GALNTL6: variants seen among roughly 807,000 people sequenced by gnomAD.
The protein encoded by GALNTL6 is polypeptide N-acetylgalactosaminyltransferase-like 6.
A neutral mutation model predicts 73.7 loss-of-function variants in GALNTL6; 46 were observed. The ratio of observed to expected loss-of-function variants is 0.62; its 90% CI spans 0.49 to 0.80. The LOEUF is 0.80. GALNTL6 is among the 30% of genes least tolerant of loss of function. GALNTL6 has a pLI of 0.00. For missense variants in GALNTL6, 604 were observed against 755.0 expected (o/e 0.80, Z 2.34); for synonymous variants, 259 against 263.7 (o/e 0.98, Z 0.17).
Position 172,265,245 on chromosome 4 carries a change from C to T in GALNTL6, c.247+35481C>T, listed in dbSNP as rs377400053. 5.3e-4 allele frequency among the ~76,000 whole-genome samples: 80 copies of T among 151,968 alleles called. 1 individual carries two copies. Among genetic ancestry groups the T allele is most frequent in the Non-Finnish European group, 1.0e-3 (68 of 67,954 alleles). ...AACAGAGATGAGGGCAAACCAGAGACGTATTACAAAGTAAGGTTACAAAAT... is the reference window on the plus strand; with the variant it reads ...AACAGAGATGAGGGCAAACCAGAGATGTATTACAAAGTAAGGTTACAAAAT... On this transcript the variant is annotated intron_variant, in intron 3 of 12. Coordinates refer to ENST00000506823, the MANE Select transcript of GALNTL6 (RefSeq NM_001034845.3).
chr4:172,385,030 T>C (rs1044109911), intron 5 of GALNTL6, among the ~76,000 whole-genome samples: 2 of 89,300 alleles, frequency 2.2e-5, no homozygotes, highest in Non-Finnish European at 4.3e-5. Flanking sequence ...GTTTTTTTGT[T>C]TTTTTTTTTT....
intron 2 of GALNTL6, among the ~76,000 whole-genome samples, chr4:171,837,060 A>T (rs1735111936): frequency 6.6e-6 from 1 of 152,184 alleles, no homozygotes; most frequent in African/African-American, 2.4e-5. Flanking sequence ...ATTGGCAGAC[A>T]CCACAATGCG....
intron 2 of GALNTL6, among the ~76,000 whole-genome samples, chr4:172,022,671 C>T (rs1741442421): frequency 6.6e-6 from 1 of 151,860 alleles, no homozygotes; most frequent in African/African-American, 2.4e-5. Context: ...AATGTCTTGT[C>T]TGATTACTTT....
chr4:173,026,254 T>C (rs1361610771), intron 12 of GALNTL6, among the ~76,000 whole-genome samples: 1 of 152,170 alleles, frequency 6.6e-6, no homozygotes, highest in Non-Finnish European at 1.5e-5. Flanking sequence ...GGGTGCATTA[T>C]CAAGCAAGTA....
At chr4:172,162,859 C>G (rs1264439247) in intron 2 of GALNTL6, among the ~76,000 whole-genome samples, 2 of 152,000 alleles carry the variant, frequency 1.3e-5, no homozygotes, top group African/African-American at 2.4e-5. Context: ...TAATTAAGCA[C>G]GACCATGTTT....
At chr4:172,682,503 A>G (rs1234574726) in intron 5 of GALNTL6, among the ~76,000 whole-genome samples, 1 of 152,218 alleles carries the variant, frequency 6.6e-6, no homozygotes, top group African/African-American at 2.4e-5. Context: ...AATTTGGGAT[A>G]GGTTTTTAGA....
intron 8 of GALNTL6, among the ~76,000 whole-genome samples, chr4:172,923,250 T>C (rs557971214): frequency 1.8e-4 from 27 of 152,278 alleles, no homozygotes; most frequent in Non-Finnish European, 3.2e-4. Context: ...CTCAGGATCA[T>C]GGTGGAAGGC....
intron 5 of GALNTL6, among the ~76,000 whole-genome samples, chr4:172,686,375 T>C (rs969590359): frequency 6.6e-6 from 1 of 152,142 alleles, no homozygotes; most frequent in Non-Finnish European, 1.5e-5. Flanking sequence ...AGTGATTCAT[T>C]CATACAGTAA....
intron 5 of GALNTL6, among the ~76,000 whole-genome samples, chr4:172,613,073 T>C (rs973232663): frequency 4.6e-5 from 7 of 152,096 alleles, no homozygotes; most frequent in African/African-American, 1.7e-4. Context: ...CTTCCACATG[T>C]ACCAGGCATT....
chr4:172,442,958 G>A (rs1731884956), intron 5 of GALNTL6, among the ~76,000 whole-genome samples: 1 of 151,238 alleles, frequency 6.6e-6, no homozygotes, highest in Admixed American at 6.6e-5. Flanking sequence ...TGACTAAGGG[G>A]ATTTTATCTA....
intron 2 of GALNTL6, among the ~76,000 whole-genome samples, chr4:171,972,762 T>A (rs1001347029): frequency 6.6e-6 from 1 of 152,162 alleles, no homozygotes; most frequent in African/African-American, 2.4e-5. Context: ...GCAAAGGATA[T>A]TCCTGTAAAC....
intron 5 of GALNTL6, among the ~76,000 whole-genome samples, chr4:172,546,796 ACG>A: frequency 2.6e-5 from 1 of 39,024 alleles, no homozygotes; most frequent in Non-Finnish European, 6.2e-5. Context: ...ATATATATAT[ACG>A]TATATATACG....
At chr4:172,495,210 G>A (rs1019006483) in intron 5 of GALNTL6, among the ~76,000 whole-genome samples, 4 of 152,134 alleles carry the variant, frequency 2.6e-5, no homozygotes, top group South Asian at 2.1e-4. Flanking sequence ...TAAAATATAG[G>A]CAAAAGGTGA....
Position 172,647,381 on chromosome 4 carries a change from C to G in GALNTL6, c.554-161980C>G, listed in dbSNP as rs375583797. ...TATCACGTAGAATGAAAGTACAAAGCAAAGATCACTAAAATTTCTAATACT... is the reference window on the plus strand; with the variant it reads ...TATCACGTAGAATGAAAGTACAAAGGAAAGATCACTAAAATTTCTAATACT... On this transcript the variant is annotated intron_variant, in intron 5 of 12. Coordinates refer to ENST00000506823, the MANE Select transcript of GALNTL6 (RefSeq NM_001034845.3). Among the ~76,000 whole-genome samples, 12 of 152,018 alleles carry G rather than the reference C, an allele frequency of 7.9e-5. No homozygotes were observed. In the East Asian group the frequency reaches 2.1e-3, roughly 27 times the overall value.
chr4:172,901,182 T>C (rs532651142), intron 8 of GALNTL6, among the ~76,000 whole-genome samples: 6 of 152,302 alleles, frequency 3.9e-5, no homozygotes, highest in African/African-American at 1.4e-4. Flanking sequence ...TCAGACATAG[T>C]CCTTCATTCT....
chr4:171,931,179 TC>T (rs1738173551), intron 2 of GALNTL6, among the ~76,000 whole-genome samples: 1 of 152,160 alleles, frequency 6.6e-6, no homozygotes, highest in African/African-American at 2.4e-5. Context: ...CACTTTTATT[TC>T]ATTAGTAGTA....
intron 7 of GALNTL6, among the ~76,000 whole-genome samples, chr4:172,862,090 C>T (rs754193745): frequency 5.3e-5 from 8 of 152,168 alleles, no homozygotes; most frequent in Admixed American, 1.3e-4. Context: ...AAATTTGGAA[C>T]TTCTTAGAGA....
At position 171,831,740 on chromosome 4, in the gene GALNTL6, A is replaced by G. The variant is rs187060459; in HGVS notation, c.138+17022A>G. Among the ~76,000 whole-genome samples the G allele has an allele frequency of 4.5e-4, 68 of 151,896 alleles. No homozygotes were observed. The East Asian group carries it at 8.7e-3, about 19-fold the overall frequency. Reference sequence around the variant, plus strand: ...AAAGGCATTCATTAATAAAAATATCATTTACAGATACAATTAAACAAAAAT... The same window carrying G: ...AAAGGCATTCATTAATAAAAATATCGTTTACAGATACAATTAAACAAAAAT... On this transcript the variant is annotated intron_variant, in intron 2 of 12. Coordinates refer to ENST00000506823, the MANE Select transcript of GALNTL6 (RefSeq NM_001034845.3).
intron 5 of GALNTL6, among the ~76,000 whole-genome samples, chr4:172,497,073 C>A (rs2110764414): frequency 6.6e-6 from 1 of 152,290 alleles, no homozygotes; most frequent in Admixed American, 6.5e-5. Context: ...GTCTAAAATT[C>A]TCTCCTGCAG....
Sources: gnomAD v4.1 joint callset for allele counts (sites outside exome capture counted in the v4.1 genomes callset) on GRCh38, gnomAD v4.1.1 for gene constraint, MANE v1.5 for transcripts, NCBI Gene and HGNC (gene_info 2026-07-23, HGNC 2026-07-21) for gene names.